AGBL1: variants seen among roughly 807,000 people sequenced by gnomAD.
AGBL1 encodes the protein AGBL carboxypeptidase 1, also known as cytosolic carboxypeptidase 4.
Under a neutral mutation model 118.9 loss-of-function variants are expected in AGBL1, and 130 were observed. That is an observed-to-expected ratio of 1.09 (90% CI 0.95 to 1.26). AGBL1 has a LOEUF of 1.26. AGBL1 is among the 50% of genes most tolerant of loss of function. AGBL1 has a pLI of 0.00. For synonymous variants in AGBL1, 555 were observed against 478.9 expected (o/e 1.16, Z -2.08); for missense variants, 1,584 against 1,298.1 (o/e 1.22, Z -3.38).
chr15:86,221,162 C>T (rs915299426), intron 5 of AGBL1, among the ~76,000 whole-genome samples: 2 of 152,100 alleles, frequency 1.3e-5, no homozygotes, highest in African/African-American at 2.4e-5. Context: ...TGTACAACTA[C>T]ACTCCAGCCT....
chr15:86,789,488 A>G (rs1432113961), intron 22 of AGBL1, among the ~76,000 whole-genome samples: 4 of 152,104 alleles, frequency 2.6e-5, no homozygotes, highest in Non-Finnish European at 5.9e-5. Flanking sequence ...ATTGAGGGGG[A>G]CAAACAGCTG....
Position 86,914,641 on chromosome 15 carries a change from C to G in AGBL1, c.*7347C>G, listed in dbSNP as rs1228676083. 6.6e-6 allele frequency: 1 copy of G among 152,162 alleles called. No individual in the cohort carries two copies. Among genetic ancestry groups the G allele is most frequent in the Non-Finnish European group, 1.5e-5 (1 of 68,036 alleles). The allele number at this position is 152,162 out of a possible 1,614,324, so 9.4% of individuals were successfully genotyped here. A position where few individuals can be genotyped will look rare whatever the true frequency, so the allele number is the denominator to read the frequency against. On this transcript the variant is annotated 3_prime_UTR_variant, in exon 23 of 23. Coordinates refer to ENST00000614907, the MANE Select transcript of AGBL1 (RefSeq NM_001386094.1). ...AAACTTCAGCCCAACGAGCTAAACT[C>G]TGTTGTTATGCTCACTTTATAAATG...
chr15:86,466,833 A>T (rs2082414241), intron 18 of AGBL1, among the ~76,000 whole-genome samples: 1 of 152,212 alleles, frequency 6.6e-6, no homozygotes, highest in Non-Finnish European at 1.5e-5. Flanking sequence ...AGGCTGCAGA[A>T]CAGCAAAAAT....
At chr15:86,940,522 T>G (rs1325482280) in intron 23 of AGBL1, among the ~76,000 whole-genome samples, 1 of 152,156 alleles carries the variant, frequency 6.6e-6, no homozygotes, top group African/African-American at 2.4e-5. Flanking sequence ...GTCCCTACCT[T>G]CAGGGAACTT....
intron 6 of AGBL1, among the ~76,000 whole-genome samples, chr15:86,233,149 G>A (rs1235251324): frequency 1.3e-5 from 2 of 152,130 alleles, no homozygotes; most frequent in Non-Finnish European, 2.9e-5. Context: ...ATTTCCAAAG[G>A]AGAAAAGCTT....
intron 5 of AGBL1, among the ~76,000 whole-genome samples, chr15:86,202,504 T>A (rs1435308689): frequency 6.6e-6 from 1 of 152,172 alleles, no homozygotes; most frequent in East Asian, 1.9e-4. Context: ...TGAGACAGCC[T>A]CAGATTTGTT....
At chr15:86,761,607 G>T (rs1278124282) in intron 22 of AGBL1, among the ~76,000 whole-genome samples, 1 of 152,062 alleles carries the variant, frequency 6.6e-6, no homozygotes, top group Non-Finnish European at 1.5e-5. Flanking sequence ...TATCTCAACT[G>T]CAATGAAATT....
chr15:86,687,682 C>T (rs555178043), intron 22 of AGBL1, among the ~76,000 whole-genome samples: 6 of 152,262 alleles, frequency 3.9e-5, no homozygotes, highest in African/African-American at 1.4e-4. Flanking sequence ...CCACAAGTTG[C>T]TATGGAGTAG....
At chr15:86,341,859 CA>C (rs992219577) in intron 17 of AGBL1, among the ~76,000 whole-genome samples, 2 of 151,990 alleles carry the variant, frequency 1.3e-5, no homozygotes, top group African/African-American at 4.8e-5. Context: ...TTAATAGTAA[CA>C]CTTTTTTTTA....
intron 21 of AGBL1, among the ~76,000 whole-genome samples, chr15:86,643,101 C>T (rs1368263522): frequency 3.9e-5 from 6 of 152,022 alleles, no homozygotes; most frequent in South Asian, 2.1e-4. Flanking sequence ...AAAATGGCTG[C>T]AGCAATTTCA....
At chr15:86,691,379 A>G (rs2086168212) in intron 22 of AGBL1, among the ~76,000 whole-genome samples, 1 of 152,044 alleles carries the variant, frequency 6.6e-6, no homozygotes, top group Admixed American at 6.6e-5. Flanking sequence ...TGTGATTATT[A>G]TTTTTCAGTA....
intron 5 of AGBL1, among the ~76,000 whole-genome samples, chr15:86,195,419 GGTTTGGTA>G (rs1302220661): frequency 2.6e-5 from 4 of 151,824 alleles, no homozygotes; most frequent in Non-Finnish European, 5.9e-5. Flanking sequence ...TTTTTCACAG[GGTTTGGTA>G]GTTTTTATTG....
At chr15:86,279,600 T>A in intron 15 of AGBL1, 39 bp from the exon 16 acceptor site, 1 of 1,593,472 alleles carries the variant, frequency 6.3e-7, no homozygotes, top group Non-Finnish European at 8.6e-7. Flanking sequence ...CCCTCCCACC[T>A]CTCCCTTATT....
chr15:86,103,429 G>T (rs533931912), intron 1 of AGBL1, among the ~76,000 whole-genome samples: 2 of 151,744 alleles, frequency 1.3e-5, no homozygotes, highest in African/African-American at 4.8e-5. Flanking sequence ...TTCATGTTTC[G>T]TTTGTCCTTA....
intron 22 of AGBL1, among the ~76,000 whole-genome samples, chr15:86,828,274 C>T (rs1309850380): frequency 6.6e-6 from 1 of 151,884 alleles, no homozygotes; most frequent in Non-Finnish European, 1.5e-5. Flanking sequence ...CAAATGATTT[C>T]TTGATCATTC....
intron 17 of AGBL1, among the ~76,000 whole-genome samples, chr15:86,319,553 G>A (rs182449844): frequency 2.5e-4 from 38 of 151,948 alleles, no homozygotes; most frequent in Non-Finnish European, 4.9e-4. Flanking sequence ...GGCCACTGAG[G>A]TGTAATACCA....
At chr15:86,079,841 C>T, upstream of AGBL1, 1 of 537,874 alleles carries the variant, frequency 1.9e-6, no homozygotes, top group Non-Finnish European at 2.8e-6. Flanking sequence ...ACTTCACACT[C>T]AGCAGCATGT....
chr15:86,986,010 G>T (rs1267152182), intron 23 of AGBL1, among the ~76,000 whole-genome samples: 1 of 150,498 alleles, frequency 6.6e-6, no homozygotes, highest in Non-Finnish European at 1.5e-5. Context: ...TGCAACTTCT[G>T]TCCCCCGGTT....
At chr15:86,937,828 C>T (rs2080695104) in intron 23 of AGBL1, among the ~76,000 whole-genome samples, 1 of 152,196 alleles carries the variant, frequency 6.6e-6, no homozygotes, top group Non-Finnish European at 1.5e-5. Context: ...TTTCTTTCAA[C>T]CTGTAAAATA....
Sources: allele counts gnomAD v4.1 joint callset (sites outside exome capture counted in the v4.1 genomes callset), GRCh38; gene constraint gnomAD v4.1.1; transcripts MANE v1.5; gene names NCBI Gene and HGNC (gene_info 2026-07-23, HGNC 2026-07-21).